Variants in KLHL6 observed in about 807,000 individuals in gnomAD.
KLHL6 encodes the protein kelch like family member 6, also known as kelch-like protein 6.
A neutral mutation model predicts 58.6 loss-of-function variants in KLHL6; 41 were observed. The ratio of observed to expected loss-of-function variants is 0.70; its 90% CI spans 0.55 to 0.91. The LOEUF is 0.91. KLHL6 is among the 40% of genes least tolerant of loss of function. KLHL6 has a pLI of 0.00. For synonymous variants in KLHL6, 338 were observed against 322.7 expected (o/e 1.05, Z -0.51); for missense variants, 714 against 805.6 (o/e 0.89, Z 1.38).
Position 183,492,606 on chromosome 3 carries a change from G to A in KLHL6, c.1452C>T (p.Asp484=). The stretch of plus-strand genomic sequence containing the variant: ...TGGAAGGGTCATAACACTGAGTCTT[G>A]TCTGTGGCCAGTTTCCCATTGGGCC... The part of the protein sequence containing the change: ...GGGPNGKLAT[D]KTQCYDPSTN... The change falls in exon 6 of 7, where the codon GAC becomes GAT. Residue 484 remains aspartate (D), a synonymous_variant. Coordinates refer to ENST00000341319, the MANE Select transcript of KLHL6 (RefSeq NM_130446.4). The surrounding 1 kb of genome is among the most constrained non-coding windows in gnomAD (Gnocchi z 5.9). 2.5e-6 allele frequency: 4 copies of A among 1,614,206 alleles called. No homozygotes were observed. Among genetic ancestry groups the A allele is most frequent in the Non-Finnish European group, 3.4e-6 (4 of 1,180,036 alleles).
chr3:183,536,060 C>T lies in KLHL6; in HGVS notation c.294-8050G>A, dbSNP rs145391513. On this transcript the variant is annotated intron_variant, in intron 1 of 6. Coordinates refer to ENST00000341319, the MANE Select transcript of KLHL6 (RefSeq NM_130446.4). ...AAGTGCTGGGATTACAGGTGTCAGC[C>T]ACTGTGCCTGGCCCCAAATTCTTGT... 2.0e-5 allele frequency among the ~76,000 whole-genome samples: 3 copies of T among 152,320 alleles called. No homozygotes were observed. The East Asian group carries it at 5.8e-4, about 29-fold the overall frequency.
chr3:183,500,032 G>C (rs1273151523), intron 3 of KLHL6, among the ~76,000 whole-genome samples: 1 of 152,158 alleles, frequency 6.6e-6, no homozygotes, highest in African/African-American at 2.4e-5. Flanking sequence ...GGGTTAAATG[G>C]GATAATGTAC....
At chr3:183,546,817 A>G (rs945625286) in intron 1 of KLHL6, among the ~76,000 whole-genome samples, 4 of 152,054 alleles carry the variant, frequency 2.6e-5, no homozygotes, top group Non-Finnish European at 2.9e-5. Context: ...TATTGTAGAC[A>G]TCGGCGTTGA....
At chr3:183,517,574 AG>A (rs1711607234) in intron 2 of KLHL6, among the ~76,000 whole-genome samples, 2 of 152,214 alleles carry the variant, frequency 1.3e-5, no homozygotes, top group South Asian at 4.1e-4. Flanking sequence ...TCACTAAGGC[AG>A]GGCAGGTGTT....
intron 5 of KLHL6, chr3:183,493,703 C>T (rs1717634813): frequency 4.2e-6 from 1 of 237,562 alleles, no homozygotes; most frequent in African/African-American, 2.3e-5. Context: ...GTAAAGTGAT[C>T]CGCATGTGTC....
intron 4 of KLHL6, 85 bp from the exon 5 acceptor site, chr3:183,494,366 GC>G: frequency 8.4e-7 from 1 of 1,187,302 alleles, no homozygotes; most frequent in South Asian, 1.3e-5. Context: ...GTCCAAAAGT[GC>G]CAGGTCCCCA....
rs1021673547 is a variant in KLHL6, at chr3:183,490,399, A to G, written c.*1528T>C. On this transcript the variant is annotated 3_prime_UTR_variant, in exon 7 of 7. Coordinates refer to ENST00000341319, the MANE Select transcript of KLHL6 (RefSeq NM_130446.4). ...TTGAGTCTCTAGAGACATCTTGTCT[A>G]TATTGCAGTACAACTGGTGAACACT... The G allele has an allele frequency of 6.6e-6, 1 of 152,094 alleles. No individual in the cohort carries two copies. The highest frequency in any genetic ancestry group is 1.5e-5 in the Non-Finnish European group (1 of 68,026). 9.4% of individuals were successfully genotyped at this position (152,094 alleles called of 1,614,324 possible).
At chr3:183,517,637 G>T (rs971414653) in intron 2 of KLHL6, among the ~76,000 whole-genome samples, 4 of 152,174 alleles carry the variant, frequency 2.6e-5, no homozygotes, top group Admixed American at 6.6e-5. Flanking sequence ...CAGCAGTGTG[G>T]CAAGCTTACA....
intron 3 of KLHL6, among the ~76,000 whole-genome samples, chr3:183,504,438 G>A (rs755050809): frequency 5.3e-5 from 8 of 152,180 alleles, no homozygotes; most frequent in Non-Finnish European, 8.8e-5. Context: ...TTTTCCAGAT[G>A]TCAGAATTCT....
At chr3:183,516,129 G>T (rs1711551763) in intron 2 of KLHL6, among the ~76,000 whole-genome samples, 1 of 152,182 alleles carries the variant, frequency 6.6e-6, no homozygotes, top group Non-Finnish European at 1.5e-5. Context: ...AGAGTCTGAA[G>T]AGGCTTTATG....
Position 183,492,991 on chromosome 3 carries a change from A to G in KLHL6, c.1351-284T>C, listed in dbSNP as rs1377502626. 2.4e-6 allele frequency: 1 copy of G among 408,822 alleles called. No individual in the cohort carries two copies. Among genetic ancestry groups the G allele is most frequent in the African/African-American group, 2.0e-5 (1 of 49,974 alleles). The allele number at this position is 408,822 out of a possible 1,614,324, so 25.3% of individuals were successfully genotyped here. ...AGGCAAGAATAAGTTTATACAGATG[A>G]AGTCAGCCAGTGTGGGAGGAAAATG... On this transcript the variant is annotated intron_variant, in intron 5 of 6. Transcript: ENST00000341319. The surrounding 1 kb of genome is among the most constrained non-coding windows in gnomAD (Gnocchi z 5.9).
intron 2 of KLHL6, among the ~76,000 whole-genome samples, chr3:183,508,887 A>G (rs996328473): frequency 6.6e-6 from 1 of 152,280 alleles, no homozygotes; most frequent in Non-Finnish European, 1.5e-5. Context: ...AGAAAATATT[A>G]AATGAAATAG....
chr3:183,497,626 A>T (rs1223233412), intron 4 of KLHL6, among the ~76,000 whole-genome samples: 1 of 152,092 alleles, frequency 6.6e-6, no homozygotes, highest in African/African-American at 2.4e-5. Flanking sequence ...TGAGGCTTTT[A>T]TGAGCAGGTG....
Position 183,508,428 on chromosome 3 carries a change from C to T in KLHL6, c.540G>A (p.Leu180=), listed in dbSNP as rs1718079849. The stretch of plus-strand genomic sequence containing the variant: ...GACTGTCCAGCGAGTGTGTGTCAGC[C>T]AGCCTCAGTATTCCAACGCAGTTTT... ...NPENCVGILR[L]ADTHSLDSLK... The change falls in exon 3 of 7, where the codon CTG becomes CTA. Residue 180 remains leucine, a synonymous_variant. Transcript: ENST00000341319. 1.2e-6 allele frequency: 2 copies of T among 1,614,044 alleles called. No homozygotes were observed. The highest frequency in any genetic ancestry group is 1.7e-6 in the Non-Finnish European group (2 of 1,180,042).
intron 3 of KLHL6, among the ~76,000 whole-genome samples, chr3:183,505,640 C>A (rs1348351032): frequency 6.6e-6 from 1 of 151,086 alleles, no homozygotes; most frequent in East Asian, 1.9e-4. Flanking sequence ...AAGCCTCTAA[C>A]CAGATTGATC....
At chr3:183,551,052 C>T (rs906883613) in intron 1 of KLHL6, among the ~76,000 whole-genome samples, 15 of 146,438 alleles carry the variant, frequency 1.0e-4, no homozygotes, top group Admixed American at 3.5e-4. Flanking sequence ...ACCCAGGAGG[C>T]GGAGCTTGCA....
At chr3:183,505,653 G>GA (rs879349862) in intron 3 of KLHL6, among the ~76,000 whole-genome samples, 63 of 142,560 alleles carry the variant, frequency 4.4e-4, no homozygotes, top group African/African-American at 7.9e-4. Context: ...GATTGATCAG[G>GA]AAAAAAAAAA....
In KLHL6 at chr3:183,499,489, C is replaced by T. The variant is rs1717808343; in HGVS notation, c.1147+101G>A. 2.6e-6 allele frequency: 2 copies of T among 768,940 alleles called. No homozygotes were observed. 47.6% of individuals were successfully genotyped at this position (768,940 alleles called of 1,614,324 possible). The stretch of plus-strand genomic sequence containing the variant: ...TGTCTCAGTCAGAGCCGGATCATTG[C>T]CAATTCACAGTAATTCTTCTAGGAT... On this transcript the variant is annotated intron_variant, in intron 4 of 6. Coordinates refer to ENST00000341319, the MANE Select transcript of KLHL6 (RefSeq NM_130446.4). The surrounding 1 kb of genome is among the most constrained non-coding windows in gnomAD (Gnocchi z 4.6).
intron 1 of KLHL6, among the ~76,000 whole-genome samples, chr3:183,554,496 TCTC>T (rs1396654815): frequency 6.6e-6 from 1 of 152,086 alleles, no homozygotes; most frequent in African/African-American, 2.4e-5. Flanking sequence ...AGGAACCAAG[TCTC>T]CTGACTTCAG....
Sources: allele counts gnomAD v4.1 joint callset (sites outside exome capture counted in the v4.1 genomes callset), GRCh38; gene constraint gnomAD v4.1.1; non-coding constraint Gnocchi (gnomAD v3.1); transcripts MANE v1.5; gene names NCBI Gene and HGNC (gene_info 2026-07-23, HGNC 2026-07-21).